COLEC10: variants seen among roughly 807,000 people sequenced by gnomAD.
The protein encoded by COLEC10 is collectin subfamily member 10.
In COLEC10, 22 loss-of-function variants were observed where a neutral mutation model predicts 28.4. The ratio of observed to expected loss-of-function variants is 0.78; its 90% CI spans 0.55 to 1.11. The LOEUF is 1.11. COLEC10 is among the 50% of genes least tolerant of loss of function. COLEC10 has a pLI of 0.00. For synonymous variants in COLEC10, 125 were observed against 116.1 expected, an observed-to-expected ratio of 1.08 and a Z score of -0.49; for missense variants, 361 against 344.1, an observed-to-expected ratio of 1.05 and a Z score of -0.39.
At chr8:119,064,615 T>C (rs529481203), upstream of COLEC10, among the ~76,000 whole-genome samples, 1 of 152,368 alleles carries the variant, frequency 6.6e-6, no homozygotes, top group South Asian at 2.1e-4. Flanking sequence ...TGTAAAATGT[T>C]AGGTTTCTAA....
upstream of COLEC10, among the ~76,000 whole-genome samples, chr8:118,990,650 T>C (rs1213356362): frequency 1.3e-5 from 2 of 152,166 alleles, no homozygotes; most frequent in Non-Finnish European, 2.9e-5. Flanking sequence ...ATCTTCATTT[T>C]GAAGAGAAAA....
chr8:119,027,305 T>C (rs969500167), intron 2 of COLEC10, among the ~76,000 whole-genome samples: 5 of 152,206 alleles, frequency 3.3e-5, no homozygotes, highest in Admixed American at 6.5e-5. Flanking sequence ...GATGCCCACA[T>C]TTAATTCATA....
upstream of COLEC10, chr8:119,067,213 G>T (rs1271876555): frequency 6.6e-7 from 1 of 1,507,414 alleles, no homozygotes; most frequent in Non-Finnish European, 9.1e-7. Context: ...CCCAAAGCAG[G>T]AGGTTTTATT....
At chr8:118,989,525 C>T in the COLEC10 span, among the ~76,000 whole-genome samples, 2 of 139,718 alleles carry the variant, frequency 1.4e-5, no homozygotes, top group Non-Finnish European at 3.1e-5. Context: ...AAAAAAAAGA[C>T]AGACAAAATA....
intron 2 of COLEC10, among the ~76,000 whole-genome samples, chr8:119,047,440 A>G (rs966132083): frequency 3.9e-5 from 6 of 152,212 alleles, no homozygotes; most frequent in Non-Finnish European, 8.8e-5. Context: ...TGCTGTGTCA[A>G]TCTAGCCATT....
intron 3 of COLEC10, among the ~76,000 whole-genome samples, chr8:119,097,021 A>G (rs1815732962): frequency 6.6e-6 from 1 of 152,104 alleles, no homozygotes; most frequent in Admixed American, 6.6e-5. Flanking sequence ...ACAGAAAAAA[A>G]CTATATGCCA....
intron 2 of COLEC10, among the ~76,000 whole-genome samples, chr8:119,056,565 T>A (rs1814764983): frequency 1.3e-5 from 2 of 151,988 alleles, no homozygotes; most frequent in Non-Finnish European, 2.9e-5. Flanking sequence ...GAAGTCATGG[T>A]TGCTGGCAGT....
At chr8:118,994,092 C>G (rs182897772), upstream of COLEC10, among the ~76,000 whole-genome samples, 1 of 152,124 alleles carries the variant, frequency 6.6e-6, no homozygotes, top group Non-Finnish European at 1.5e-5. Context: ...TTAGGGGTAC[C>G]TTGATTAAGG....
chr8:118,978,655 CAT>C, the COLEC10 span, among the ~76,000 whole-genome samples: 1 of 151,906 alleles, frequency 6.6e-6, no homozygotes, highest in South Asian at 2.1e-4. Context: ...TATATATACA[CAT>C]ATATGTATAT....
chr8:119,034,786 C>CT lies in COLEC10; in HGVS notation n.235+25234dup, dbSNP rs1418252737. Among the ~76,000 whole-genome samples the CT allele has an allele frequency of 2.0e-5, 3 of 152,172 alleles. No homozygotes were observed. In the East Asian group the frequency reaches 5.8e-4, roughly 29 times the overall value. ...AGACATAAATGTTGAAGTCAGAATACTGATTCTGACACTTACTAGCTGTGT... is the reference window on the plus strand; with the variant it reads ...AGACATAAATGTTGAAGTCAGAATACTTGATTCTGACACTTACTAGCTGTGT... On this transcript the variant is annotated intron_variant and non_coding_transcript_variant, in intron 2 of 6. Coordinates refer to the COLEC10 transcript ENST00000521788.
the COLEC10 span, among the ~76,000 whole-genome samples, chr8:118,978,458 T>G: frequency 6.6e-6 from 1 of 152,038 alleles, no homozygotes. Flanking sequence ...ATCTGGGGAG[T>G]CACAGTTGAA....
At chr8:119,041,911 T>C (rs992157204) in intron 2 of COLEC10, among the ~76,000 whole-genome samples, 9 of 152,148 alleles carry the variant, frequency 5.9e-5, no homozygotes, top group African/African-American at 2.2e-4. Context: ...TCCATTTTAA[T>C]TTACTGGGAT....
chr8:118,952,773 G>A, the COLEC10 span, among the ~76,000 whole-genome samples: 1 of 152,154 alleles, frequency 6.6e-6, no homozygotes, highest in Non-Finnish European at 1.5e-5. Context: ...CTTTCCACTA[G>A]CCTCAAGCTA....
chr8:118,981,202 C>G, the COLEC10 span, among the ~76,000 whole-genome samples: 1 of 152,036 alleles, frequency 6.6e-6, no homozygotes, highest in South Asian at 2.1e-4. Context: ...GAAACCAACA[C>G]TGCAACAAAC....
chr8:119,038,842 C>T (rs1183819156), intron 2 of COLEC10, among the ~76,000 whole-genome samples: 1 of 152,082 alleles, frequency 6.6e-6, no homozygotes, highest in Non-Finnish European at 1.5e-5. Context: ...AGTCTTACAG[C>T]CCCCTCTAAT....
intron 2 of COLEC10, among the ~76,000 whole-genome samples, chr8:119,056,356 G>T (rs891766492): frequency 6.6e-6 from 1 of 152,020 alleles, no homozygotes; most frequent in Non-Finnish European, 1.5e-5. Flanking sequence ...ACAACGAGAT[G>T]AAAGTGGATT....
At chr8:118,973,844 T>C in the COLEC10 span, among the ~76,000 whole-genome samples, 1 of 151,964 alleles carries the variant, frequency 6.6e-6, no homozygotes, top group Non-Finnish European at 1.5e-5. Context: ...AGCTATTACA[T>C]ATTTAACTCA....
At position 119,105,942 on chromosome 8, in the gene COLEC10, C is replaced by T. The variant is rs745764220; in HGVS notation, c.585C>T (p.Ile195=). ...AGGATGAAGCTGCCAACACACTCAT[C>T]GCTGACTATGTTGCCAAGAGTGGCT... ...MPKDEAANTL[I]ADYVAKSGFF... The change falls in exon 6 of 6, where the codon ATC becomes ATT. Residue 195 remains isoleucine (I), a synonymous_variant. Transcript: ENST00000332843. 7 of 1,613,754 alleles carry T rather than the reference C, an allele frequency of 4.3e-6. No homozygotes were observed. The highest frequency in any genetic ancestry group is 1.1e-5 in the South Asian group (1 of 91,078).
intron 2 of COLEC10, among the ~76,000 whole-genome samples, chr8:119,050,492 CAT>C (rs1814657057): frequency 6.6e-6 from 1 of 152,136 alleles, no homozygotes; most frequent in African/African-American, 2.4e-5. Flanking sequence ...TGAGAAACAG[CAT>C]ATACACACTT....
Sources: gnomAD v4.1 joint callset for allele counts (sites outside exome capture counted in the v4.1 genomes callset) on GRCh38, gnomAD v4.1.1 for gene constraint, MANE v1.5 for transcripts, NCBI Gene and HGNC (gene_info 2026-07-23, HGNC 2026-07-21) for gene names.